PTBP1: variants seen among roughly 807,000 people sequenced by gnomAD.
PTBP1 encodes the protein polypyrimidine tract-binding protein 1.
PTBP1 carries 8 observed loss-of-function variants against 59.8 expected under a neutral mutation model. That is an observed-to-expected ratio of 0.13 (90% CI 0.08 to 0.24). The LOEUF (loss-of-function observed/expected upper bound fraction) is 0.24. PTBP1 is among the 10% of genes least tolerant of loss of function. The pLI is 1.00. For synonymous variants in PTBP1, 490 were observed against 320.7 expected (o/e 1.53, Z -5.64); for missense variants, 686 against 767.0 (o/e 0.89, Z 1.25).
Position 811,112 on chromosome 19 carries a change from T to C in PTBP1, c.*286T>C. On this transcript the variant is annotated 3_prime_UTR_variant, in exon 15 of 15. Coordinates refer to ENST00000356948, the MANE Select transcript of PTBP1 (RefSeq NM_002819.5). ...GCCTTGGTGGGGCCTGTGTCGGGCG[T>C]GGGGCCTGCAGGTGGGCGCCCCGAC... 1 of 317,410 alleles carries C rather than the reference T, an allele frequency of 3.2e-6. No individual in the cohort carries two copies. Among genetic ancestry groups the C allele is most frequent in the Non-Finnish European group, 5.7e-6 (1 of 174,946 alleles). 19.7% of individuals were successfully genotyped at this position (317,410 alleles called of 1,614,324 possible).
At chr19:810,504 C>A in intron 13 of PTBP1, 39 bp from the exon 14 acceptor site, 1 of 1,584,154 alleles carries the variant, frequency 6.3e-7, no homozygotes, top group Non-Finnish European at 8.6e-7. Context: ...CGCCCCCACC[C>A]CCACGCGGCC....
rs373603313 is a variant in PTBP1 at position 808,468 on chromosome 19, G to A, written c.1246+16G>A. On this transcript the variant is annotated intron_variant, in intron 12 of 14. Coordinates refer to ENST00000356948, the MANE Select transcript of PTBP1 (RefSeq NM_002819.5). The surrounding 1 kb of genome is among the most constrained non-coding windows in gnomAD (Gnocchi z 4.7). ...GCCCAGCTGGGTAAGAGGCCGGGGCGGCCCCGGGGTGGAGGGGGCAGGGGC... is the reference window on the plus strand; with the variant it reads ...GCCCAGCTGGGTAAGAGGCCGGGGCAGCCCCGGGGTGGAGGGGGCAGGGGC... 39 of 1,582,382 alleles carry A rather than the reference G, an allele frequency of 2.5e-5. No individual in the cohort carries two copies. The highest frequency in any genetic ancestry group is 1.8e-4 in the African/African-American group (13 of 74,242).
In PTBP1 at chr19:808,040, T is replaced by A; in HGVS notation, c.1153+138T>A. 1 of 827,702 alleles carries A rather than the reference T, an allele frequency of 1.2e-6. No individual in the cohort carries two copies. The highest frequency in any genetic ancestry group is 2.0e-6 in the Non-Finnish European group (1 of 487,836). 51.3% of individuals were successfully genotyped at this position (827,702 alleles called of 1,614,324 possible). A position where few individuals can be genotyped will look rare whatever the true frequency, so the allele number is the denominator to read the frequency against. On this transcript the variant is annotated intron_variant, in intron 11 of 14. Coordinates refer to ENST00000356948, the MANE Select transcript of PTBP1 (RefSeq NM_002819.5). This position sits in a 1 kb window ranked among gnomAD's most constrained non-coding sequence, Gnocchi z 4.7. Reference sequence around the variant, plus strand: ...GCCTCGTTTTATGGTTTGCTTTCGGTTTGCGAATTTTATTTGGTCCCGTAG... The same window carrying A: ...GCCTCGTTTTATGGTTTGCTTTCGGATTGCGAATTTTATTTGGTCCCGTAG...
Position 804,696 on chromosome 19 carries a change from G to A in PTBP1, c.600G>A (p.Leu200=), listed in dbSNP as rs768495975. The A allele has an allele frequency of 4.3e-6, 7 of 1,611,930 alleles. No homozygotes were observed. In the South Asian group the frequency reaches 6.6e-5, roughly 15 times the overall value. The change falls in exon 6 of 15, where the codon CTG becomes CTA. Residue 200 remains leucine, a synonymous_variant. Transcript: ENST00000356948. ...TCTACCCTGTGACCCTGGATGTGCT[G>A]CACCAGGTGAGGTGGTCCCATCACC... ...NLFYPVTLDV[L]HQIFSKFGTV...
chr19:799,910 TAA>T (rs1329443394), intron 2 of PTBP1, among the ~76,000 whole-genome samples: 4 of 152,092 alleles, frequency 2.6e-5, no homozygotes, highest in African/African-American at 9.7e-5. Context: ...ATTTTGACGT[TAA>T]GTTTTTTTGT....
chr19:802,904 G>T (rs113608507), intron 2 of PTBP1, among the ~76,000 whole-genome samples: 2 of 152,230 alleles, frequency 1.3e-5, no homozygotes, highest in Admixed American at 1.3e-4. Context: ...TGATGGAGCC[G>T]CTGTGGAGCT....
chr19:803,806 G>A (rs978837588), intron 3 of PTBP1, among the ~76,000 whole-genome samples, 170 bp downstream of exon 3: 1 of 152,178 alleles, frequency 6.6e-6, no homozygotes, highest in African/African-American at 2.4e-5. Context: ...GGAGGCGCTG[G>A]ATGGATGGTC....
At chr19:797,639 T>A (rs2034128599) in intron 1 of PTBP1, 134 bp downstream of exon 1, 6 of 473,998 alleles carry the variant, frequency 1.3e-5, no homozygotes, top group Non-Finnish European at 1.9e-5. Context: ...CCCCTTCCTC[T>A]CCGCGTGGCG....
chr19:801,227 G>A (rs567925786), intron 2 of PTBP1, among the ~76,000 whole-genome samples: 2 of 152,182 alleles, frequency 1.3e-5, no homozygotes, highest in South Asian at 2.1e-4. Flanking sequence ...GGACCCTCCT[G>A]GGGTACCTGG....
intron 7 of PTBP1, 27 bp downstream of exon 7, chr19:804,966 C>CTG (rs1555698590): frequency 6.2e-7 from 1 of 1,612,138 alleles, no homozygotes; most frequent in South Asian, 1.1e-5. Context: ...GGACGGCGCC[C>CTG]GCCCTGGCCC....
chr19:805,075 C>T lies in PTBP1; in HGVS notation c.780C>T (p.Leu260=), dbSNP rs750159295. The change falls in exon 8 of 15, where the codon CTC becomes CTT. Residue 260 remains leucine, a synonymous_variant. Coordinates refer to ENST00000356948, the MANE Select transcript of PTBP1 (RefSeq NM_002819.5). ...CGCTGCGCATCGACTTTTCCAAGCT[C>T]ACCAGCCTCAACGTCAAGTACAACA... ...CCTLRIDFSK[L]TSLNVKYNND... The T allele has an allele frequency of 1.9e-6, 3 of 1,613,894 alleles. No homozygotes were observed. Among genetic ancestry groups the T allele is most frequent in the Middle Eastern group, 1.6e-4 (1 of 6,062 alleles).
At position 810,524 on chromosome 19, in the gene PTBP1, C is replaced by T. The variant is rs201760743; in HGVS notation, c.1464-19C>T. ...CCACCCCCACGCGGCCCCAGGCTCA[C>T]GCCTTTCTCCTCCCACAGGCCCTCA... On this transcript the variant is annotated intron_variant, in intron 13 of 14. Transcript: ENST00000356948. 204 of 1,611,362 alleles carry T rather than the reference C, an allele frequency of 1.3e-4. No individual in the cohort carries two copies. Among genetic ancestry groups the T allele is most frequent in the African/African-American group, 1.1e-3 (79 of 74,864 alleles).
rs1323869472 is a variant in PTBP1 at position 810,539 on chromosome 19, A to G, written c.1464-4A>G. On this transcript the variant is annotated splice_region_variant and splice_polypyrimidine_tract_variant and intron_variant, in intron 13 of 14. Coordinates refer to ENST00000356948, the MANE Select transcript of PTBP1 (RefSeq NM_002819.5). The stretch of plus-strand genomic sequence containing the variant: ...CCCAGGCTCACGCCTTTCTCCTCCC[A>G]CAGGCCCTCAGTCTCCGAGGAGGAT... The G allele has an allele frequency of 1.9e-6, 3 of 1,612,510 alleles. No homozygotes were observed. The highest frequency in any genetic ancestry group is 1.7e-5 in the Admixed American group (1 of 59,664).
intron 10 of PTBP1, 127 bp from the exon 11 acceptor site, chr19:807,742 T>C: frequency 1.4e-6 from 1 of 713,100 alleles, no homozygotes. Flanking sequence ...TCCTGACAAC[T>C]TCATCATCCA....
chr19:805,428 C>T (rs2034522111), intron 8 of PTBP1, 64 bp from the exon 9 acceptor site: 27 of 1,495,538 alleles, frequency 1.8e-5, no homozygotes, highest in Admixed American at 1.0e-4. Context: ...GCCCATCCCG[C>T]AGCACAGCGC....
intron 2 of PTBP1, among the ~76,000 whole-genome samples, chr19:801,753 C>T (rs937287089): frequency 6.6e-6 from 1 of 152,188 alleles, no homozygotes; most frequent in Admixed American, 6.5e-5. Flanking sequence ...TTCCTCCCGT[C>T]CTCCCTTCCT....
chr19:811,360 C>G lies in PTBP1; in HGVS notation c.*534C>G, dbSNP rs944145213. ...ACGTGATTCTCCCTTCACCCCGCCC[C>G]CAGGGCCTTCCCTTCTGCCCCCAGG... On this transcript the variant is annotated 3_prime_UTR_variant, in exon 15 of 15. Coordinates refer to ENST00000356948, the MANE Select transcript of PTBP1 (RefSeq NM_002819.5). 6.6e-6 allele frequency: 1 copy of G among 152,484 alleles called. No homozygotes were observed. The highest frequency in any genetic ancestry group is 1.5e-5 in the Non-Finnish European group (1 of 68,132). The allele number at this position is 152,484 out of a possible 1,614,324, so 9.4% of individuals were successfully genotyped here.
At chr19:806,769 T>G in intron 10 of PTBP1, 2 of 488,178 alleles carry the variant, frequency 4.1e-6, no homozygotes, top group Non-Finnish European at 7.1e-6. Context: ...GCGTTTTCTC[T>G]TGCATGATAC....
chr19:797,658 T>G (rs993679541), intron 1 of PTBP1, among the ~76,000 whole-genome samples, 153 bp downstream of exon 1: 64 of 148,682 alleles, frequency 4.3e-4, no homozygotes, highest in Middle Eastern at 3.5e-3. Flanking sequence ...CGGGCGCGGG[T>G]GCGGGGCGGG....
Sources: gnomAD v4.1 joint callset for allele counts (sites outside exome capture counted in the v4.1 genomes callset) on GRCh38, gnomAD v4.1.1 for gene constraint, Gnocchi (gnomAD v3.1) non-coding constraint, MANE v1.5 for transcripts, NCBI Gene and HGNC (gene_info 2026-07-23, HGNC 2026-07-21) for gene names.